The following CAST variants were observed in gnomAD, a reference collection of about 807,000 sequenced individuals.
The protein encoded by CAST is calpastatin.
In CAST, 76 loss-of-function variants were observed where a neutral mutation model predicts 119.6. The ratio of observed to expected loss-of-function variants is 0.64; its 90% confidence interval spans 0.53 to 0.77. CAST has a LOEUF of 0.77. Ranked by LOEUF, CAST falls within the 30% of genes least tolerant of loss-of-function variation. The probability of loss-of-function intolerance (pLI) is 0.00; values close to 1 mark genes in which losing one functional copy is unlikely to be tolerated. For missense variants in CAST, 953 were observed against 946.5 expected (o/e 1.01, Z -0.09); for synonymous variants, 319 against 331.6 (o/e 0.96, Z 0.41).
At chr5:96,712,355 G>A (rs1287812505) in intron 3 of CAST, among the ~76,000 whole-genome samples, 1 of 152,106 alleles carries the variant, frequency 6.6e-6, no homozygotes, top group African/African-American at 2.4e-5. Context: ...ACAGGCTCTT[G>A]GGGTCTTGCT....
At chr5:96,028,887 G>A in the CAST span, among the ~76,000 whole-genome samples, 1 of 152,096 alleles carries the variant, frequency 6.6e-6, no homozygotes, top group Non-Finnish European at 1.5e-5. Flanking sequence ...ATTGTTTAGA[G>A]TGAGACTGTG....
chr5:96,401,931 G>C, the CAST span, among the ~76,000 whole-genome samples: 1 of 152,166 alleles, frequency 6.6e-6, no homozygotes, highest in African/African-American at 2.4e-5. Context: ...AAAACATATT[G>C]CTCCTAGTCA....
At chr5:96,665,033 T>A (rs1254424920) in intron 1 of CAST, among the ~76,000 whole-genome samples, 1 of 152,248 alleles carries the variant, frequency 6.6e-6, no homozygotes, top group Non-Finnish European at 1.5e-5. Flanking sequence ...TCTATGCTTT[T>A]AACCCTGTTT....
chr5:96,184,277 TCTTA>T, the CAST span, among the ~76,000 whole-genome samples: 1 of 152,220 alleles, frequency 6.6e-6, no homozygotes, highest in Non-Finnish European at 1.5e-5. Flanking sequence ...GGAAGCACTC[TCTTA>T]CTTCTTTATG....
At chr5:96,723,109 A>T (rs1758605747) in intron 4 of CAST, among the ~76,000 whole-genome samples, 1 of 150,094 alleles carries the variant, frequency 6.7e-6, no homozygotes, top group East Asian at 1.9e-4. Context: ...TGCCCGGCTA[A>T]TTGTTTTTTT....
chr5:96,446,320 T>C, the CAST span, among the ~76,000 whole-genome samples: 9 of 152,212 alleles, frequency 5.9e-5, no homozygotes, highest in Non-Finnish European at 2.9e-5. Flanking sequence ...TTCATAACCA[T>C]GTATTACATT....
chr5:96,251,972 A>G, the CAST span, among the ~76,000 whole-genome samples: 1 of 152,098 alleles, frequency 6.6e-6, no homozygotes, highest in Non-Finnish European at 1.5e-5. Context: ...AAACTCATCT[A>G]TCTGGTTTCC....
chr5:96,638,762 T>C (rs1300921055), intron 1 of CAST, among the ~76,000 whole-genome samples: 1 of 152,258 alleles, frequency 6.6e-6, no homozygotes, highest in Non-Finnish European at 1.5e-5. Context: ...CGTGGGCCTC[T>C]TAAGTTCATG....
At chr5:96,570,214 A>G in intron 1 of CAST, among the ~76,000 whole-genome samples, 2 of 152,232 alleles carry the variant, frequency 1.3e-5, no homozygotes. Context: ...TGTGTATGCC[A>G]TGATGCTGGG....
the CAST span, among the ~76,000 whole-genome samples, chr5:96,359,834 T>C: frequency 1.3e-5 from 2 of 152,130 alleles, no homozygotes; most frequent in Non-Finnish European, 2.9e-5. Context: ...TCTCGAAGAG[T>C]AACTTTGTGG....
At chr5:96,262,194 G>A in the CAST span, among the ~76,000 whole-genome samples, 2 of 152,308 alleles carry the variant, frequency 1.3e-5, no homozygotes, top group Middle Eastern at 3.4e-3. Context: ...TATAGTAAAA[G>A]TAGAATTCCT....
the CAST span, among the ~76,000 whole-genome samples, chr5:96,502,135 C>A: frequency 2.2e-4 from 34 of 152,314 alleles, no homozygotes; most frequent in Admixed American, 5.2e-4. Flanking sequence ...GTAGATTTAA[C>A]CTTTTTTCTC....
chr5:96,514,015 G>A, the CAST span, among the ~76,000 whole-genome samples: 1 of 152,162 alleles, frequency 6.6e-6, no homozygotes, highest in Admixed American at 6.5e-5. Flanking sequence ...TCTGTTGTAT[G>A]TGTAGGTGTC....
chr5:96,534,871 GAAA>G (rs1561409156), intron 1 of CAST, among the ~76,000 whole-genome samples: 3 of 22,174 alleles, frequency 1.4e-4, no homozygotes, highest in Non-Finnish European at 3.0e-4. Context: ...GAAGGAAGGA[GAAA>G]GAAAGAAAAG....
chr5:96,479,809 G>T, the CAST span, among the ~76,000 whole-genome samples: 1 of 152,084 alleles, frequency 6.6e-6, no homozygotes. Flanking sequence ...TATGGAGTGA[G>T]GTGGGAATTG....
the CAST span, among the ~76,000 whole-genome samples, chr5:96,226,800 C>T: frequency 3.3e-5 from 5 of 152,268 alleles, no homozygotes; most frequent in South Asian, 4.1e-4. Flanking sequence ...CCCTCTTGGC[C>T]GCTCCTCCCT....
chr5:96,107,762 T>C, the CAST span, among the ~76,000 whole-genome samples: 4 of 152,238 alleles, frequency 2.6e-5, no homozygotes, highest in East Asian at 7.7e-4. Context: ...TGAATCTGAA[T>C]GTTGGTCTGC....
chr5:96,591,975 G>A (rs1016517009), intron 1 of CAST, among the ~76,000 whole-genome samples: 1 of 152,148 alleles, frequency 6.6e-6, no homozygotes, highest in Non-Finnish European at 1.5e-5. Context: ...ATTCAGAAGA[G>A]GATCAGCAAG....
At chr5:96,375,908 TATATAAATATATAA>T in the CAST span, among the ~76,000 whole-genome samples, 4 of 146,976 alleles carry the variant, frequency 2.7e-5, no homozygotes, top group East Asian at 1.9e-4. Flanking sequence ...TCTATATATA[TATATAAATATATAA>T]ATATAAATAT....
Sources: gnomAD v4.1 joint callset for allele counts (sites outside exome capture counted in the v4.1 genomes callset) on GRCh38, gnomAD v4.1.1 for gene constraint, MANE v1.5 for transcripts, NCBI Gene and HGNC (gene_info 2026-07-23, HGNC 2026-07-21) for gene names.